Variants in MID1 observed in about 807,000 individuals in gnomAD.
MID1 encodes the protein midline 1.
MID1 carries 7 observed loss-of-function variants against 40.4 expected under a neutral mutation model. The ratio of observed to expected loss-of-function variants is 0.17; its 90% CI spans 0.10 to 0.33. MID1 has a LOEUF of 0.33. Among genes scored for constraint, MID1 ranks in the 10% least tolerant of loss-of-function variants. The pLI, the probability that MID1 is intolerant of heterozygous loss-of-function variation, is 1.00. For missense variants in MID1, 367 were observed against 558.5 expected (o/e 0.66, Z 3.46); for synonymous variants, 229 against 221.2 (o/e 1.04, Z -0.31).
At chrX:10,561,873 G>A (rs1176087915) in intron 2 of MID1, among the ~76,000 whole-genome samples, 3 of 107,085 alleles carry the variant, frequency 2.8e-5, no homozygotes, top group Non-Finnish European at 5.7e-5. Flanking sequence ...TTACCGGGTA[G>A]ATACCCAAAG....
intron 1 of MID1, among the ~76,000 whole-genome samples, chrX:10,737,175 C>A (rs1365183783): frequency 1.8e-5 from 2 of 112,142 alleles, no homozygotes; most frequent in Non-Finnish European, 3.8e-5. Context: ...TAATGAAAAC[C>A]TTACTTTGAC....
chrX:10,725,878 A>G (rs1046577202), intron 1 of MID1, among the ~76,000 whole-genome samples: 2 of 111,987 alleles, frequency 1.8e-5, no homozygotes, highest in African/African-American at 6.5e-5. Context: ...AAAGAAAGAA[A>G]AAGAAGAACT....
rs769587872 is a variant in MID1, at chrX:10,456,124, T to C, written c.1448-1047A>G. Among the ~76,000 whole-genome samples, 4 of 112,407 alleles carry C rather than the reference T, an allele frequency of 3.6e-5. No homozygotes were observed. The South Asian group carries it at 1.5e-3, about 42-fold the overall frequency. ...CTCTCAATCACAGGAAAAGGTCTAG[T>C]AAATTCAACTGTGGCAATACACGAT... On this transcript the variant is annotated intron_variant, in intron 8 of 9. Coordinates refer to ENST00000317552, the MANE Select transcript of MID1 (RefSeq NM_000381.4).
chrX:10,727,488 T>C (rs2043402260), intron 1 of MID1, among the ~76,000 whole-genome samples: 1 of 112,708 alleles, frequency 8.9e-6, no homozygotes, highest in Non-Finnish European at 1.9e-5. Flanking sequence ...TATGTATAGA[T>C]GCAAATTAAA....
chrX:10,832,640 T>TA (rs1443524065), intron 1 of MID1, among the ~76,000 whole-genome samples: 1 of 112,034 alleles, frequency 8.9e-6, no homozygotes, highest in Non-Finnish European at 1.9e-5. Context: ...AAAATAAAAA[T>TA]AAATTTTTTT....
chrX:10,726,660 C>T (rs751623803), intron 1 of MID1, among the ~76,000 whole-genome samples: 31 of 112,478 alleles, frequency 2.8e-4, no homozygotes, highest in Non-Finnish European at 7.5e-5. Context: ...AGAACCAAGT[C>T]CAAGAACAGC....
intron 1 of MID1, among the ~76,000 whole-genome samples, chrX:10,781,821 A>T (rs1319462791): frequency 8.9e-6 from 1 of 112,333 alleles, no homozygotes; most frequent in Non-Finnish European, 1.9e-5. Flanking sequence ...TTGTTCTATA[A>T]AGCTCTAAAG....
At chrX:10,507,151 C>CT (rs1404949235) in intron 3 of MID1, among the ~76,000 whole-genome samples, 2 of 110,236 alleles carry the variant, frequency 1.8e-5, no homozygotes, top group African/African-American at 3.3e-5. Context: ...TCCCTACCCC[C>CT]TTTTTTTCCT....
At chrX:10,500,739 T>C (rs1399777233) in intron 3 of MID1, among the ~76,000 whole-genome samples, 3 of 112,150 alleles carry the variant, frequency 2.7e-5, no homozygotes, top group East Asian at 5.6e-4. Flanking sequence ...CTGGTTATGA[T>C]TTTTGCTTTC....
At chrX:10,472,424 T>C (rs1035379042) in intron 6 of MID1, among the ~76,000 whole-genome samples, 2 of 112,737 alleles carry the variant, frequency 1.8e-5, no homozygotes, top group South Asian at 3.7e-4. Flanking sequence ...TCAATACTTT[T>C]GCATTCCTAT....
intron 1 of MID1, among the ~76,000 whole-genome samples, chrX:10,689,731 C>G (rs774358721): frequency 1.8e-5 from 2 of 108,548 alleles, no homozygotes; most frequent in Non-Finnish European, 1.9e-5. Flanking sequence ...TCTCCCCTTC[C>G]AAATGTAGAT....
intron 3 of MID1, among the ~76,000 whole-genome samples, chrX:10,504,105 T>C (rs1033054301): frequency 9.0e-6 from 1 of 111,702 alleles, no homozygotes; most frequent in Admixed American, 9.5e-5. Flanking sequence ...ATGGAGGCAG[T>C]GGTTTGGGGT....
chrX:10,797,916 A>G (rs373718672), intron 1 of MID1, among the ~76,000 whole-genome samples: 4 of 111,863 alleles, frequency 3.6e-5, no homozygotes, highest in South Asian at 7.6e-4. Flanking sequence ...GCTGTTCTTT[A>G]TTATCTCTGT....
At chrX:10,737,288 T>C (rs934873366) in intron 1 of MID1, among the ~76,000 whole-genome samples, 1 of 112,612 alleles carries the variant, frequency 8.9e-6, no homozygotes, top group South Asian at 3.7e-4. Context: ...GAACCAAGCC[T>C]ATGCATCAAA....
chrX:10,573,530 AC>A (rs1311390137), intron 1 of MID1, among the ~76,000 whole-genome samples: 1 of 112,046 alleles, frequency 8.9e-6, no homozygotes, highest in African/African-American at 3.2e-5. Flanking sequence ...GACATCTCCC[AC>A]TAGGCCCCTC....
intron 1 of MID1, among the ~76,000 whole-genome samples, chrX:10,796,365 G>A (rs905478118): frequency 9.4e-6 from 1 of 106,262 alleles, no homozygotes; most frequent in African/African-American, 3.5e-5. Flanking sequence ...TATTTGACAT[G>A]AATGGCATAA....
At chrX:10,488,345 G>C (rs1466697748) in intron 4 of MID1, among the ~76,000 whole-genome samples, 3 of 111,072 alleles carry the variant, frequency 2.7e-5, no homozygotes, top group Non-Finnish European at 3.8e-5. Flanking sequence ...TAAATGGCTG[G>C]ATCATATGGT....
At chrX:10,612,563 C>T (rs1288608247) in intron 1 of MID1, among the ~76,000 whole-genome samples, 1 of 112,132 alleles carries the variant, frequency 8.9e-6, no homozygotes, top group Non-Finnish European at 1.9e-5. Flanking sequence ...CATTTTCATA[C>T]TTAACTAAAA....
chrX:10,631,641 T>G (rs1382619323), intron 1 of MID1, among the ~76,000 whole-genome samples: 3 of 112,494 alleles, frequency 2.7e-5, no homozygotes, highest in Non-Finnish European at 3.7e-5. Context: ...TTGTAATCAT[T>G]GCATGACTCA....
Sources: gnomAD v4.1 joint callset for allele counts (sites outside exome capture counted in the v4.1 genomes callset) on GRCh38, gnomAD v4.1.1 for gene constraint, MANE v1.5 for transcripts, NCBI Gene and HGNC (gene_info 2026-07-23, HGNC 2026-07-21) for gene names.